PRKG1: variants seen among roughly 807,000 people sequenced by gnomAD.
PRKG1 encodes the protein cGMP-dependent protein kinase 1.
Under a neutral mutation model 88.1 loss-of-function variants are expected in PRKG1, and 35 were observed. The observed-to-expected ratio is 0.40, with a 90% CI of 0.30 to 0.53. The LOEUF is 0.53. Among genes scored for constraint, PRKG1 ranks in the 20% least tolerant of loss-of-function variants. The pLI, the probability that PRKG1 is intolerant of heterozygous loss-of-function variation, is 0.59. For synonymous variants in PRKG1, 303 were observed against 292.5 expected, an observed-to-expected ratio of 1.04 and a Z score of -0.37; for missense variants, 540 against 839.8, an observed-to-expected ratio of 0.64 and a Z score of 4.41.
intron 3 of PRKG1, among the ~76,000 whole-genome samples, chr10:51,580,876 C>T (rs1838014467): frequency 6.6e-6 from 1 of 151,968 alleles, no homozygotes; most frequent in Non-Finnish European, 1.5e-5. Context: ...GGGGTGGTCT[C>T]CTACTTCCTT....
At chr10:51,844,116 G>T (rs1336427342) in intron 4 of PRKG1, among the ~76,000 whole-genome samples, 1 of 151,920 alleles carries the variant, frequency 6.6e-6, no homozygotes, top group Non-Finnish European at 1.5e-5. Flanking sequence ...TTTTGTCAAT[G>T]CATCATTTGA....
chr10:51,765,051 A>T (rs925385850), intron 3 of PRKG1, among the ~76,000 whole-genome samples: 1 of 152,186 alleles, frequency 6.6e-6, no homozygotes, highest in Admixed American at 6.5e-5. Context: ...AACTTAGAGT[A>T]TTTGGTTATA....
intron 3 of PRKG1, among the ~76,000 whole-genome samples, chr10:51,666,659 A>G (rs150677815): frequency 1.6e-3 from 248 of 152,218 alleles, no homozygotes; most frequent in African/African-American, 5.7e-3. Flanking sequence ...TCATAAATCC[A>G]CCCACATGGT....
chr10:51,166,867 C>A (rs1285221139), intron 2 of PRKG1, among the ~76,000 whole-genome samples: 1 of 152,112 alleles, frequency 6.6e-6, no homozygotes, highest in East Asian at 1.9e-4. Context: ...ATTTGAAACT[C>A]TTTGTATATT....
chr10:51,676,951 C>T (rs1840726065), intron 3 of PRKG1, among the ~76,000 whole-genome samples: 1 of 152,110 alleles, frequency 6.6e-6, no homozygotes. Flanking sequence ...CATAAGTGTA[C>T]AGCTCAATTA....
intron 9 of PRKG1, among the ~76,000 whole-genome samples, chr10:52,233,952 C>A (rs966886602): frequency 6.6e-6 from 1 of 151,916 alleles, no homozygotes; most frequent in African/African-American, 2.4e-5. Context: ...TCTCCCAGCA[C>A]GCAGCTGGAG....
intron 9 of PRKG1, among the ~76,000 whole-genome samples, chr10:52,228,665 G>A (rs1023771795): frequency 6.6e-6 from 1 of 152,166 alleles, no homozygotes; most frequent in Non-Finnish European, 1.5e-5. Context: ...AGTTTTAGTG[G>A]AGCACATGGA....
intron 1 of PRKG1, among the ~76,000 whole-genome samples, chr10:51,146,607 T>C (rs894599312): frequency 2.0e-5 from 3 of 152,170 alleles, no homozygotes; most frequent in African/African-American, 4.8e-5. Context: ...TGTATTTTTG[T>C]TGTCTATGCT....
chr10:51,230,966 G>T (rs536885410), intron 2 of PRKG1, among the ~76,000 whole-genome samples: 7 of 152,132 alleles, frequency 4.6e-5, no homozygotes, highest in African/African-American at 9.7e-5. Context: ...CCAATTTGAA[G>T]CCTCATGAGT....
At chr10:51,891,783 T>A (rs1841728667) in intron 4 of PRKG1, among the ~76,000 whole-genome samples, 1 of 152,224 alleles carries the variant, frequency 6.6e-6, no homozygotes, top group Non-Finnish European at 1.5e-5. Flanking sequence ...CAAGCATGAC[T>A]ATATTTCAAT....
At chr10:51,013,942 T>TA (rs1564570551) in intron 1 of PRKG1, among the ~76,000 whole-genome samples, 1 of 152,094 alleles carries the variant, frequency 6.6e-6, no homozygotes. Flanking sequence ...TCTTCTGGGT[T>TA]AAAAAAATAT....
chr10:52,252,803 T>C (rs1233012314), intron 10 of PRKG1: 9 of 150,972 alleles, frequency 6.0e-5, no homozygotes, highest in Non-Finnish European at 1.5e-5. Flanking sequence ...TGAAAGTCCA[T>C]AGTGTGCCTT....
intron 5 of PRKG1, among the ~76,000 whole-genome samples, chr10:52,021,312 G>A (rs958939068): frequency 6.6e-6 from 1 of 152,188 alleles, no homozygotes; most frequent in South Asian, 2.1e-4. Flanking sequence ...TGGAGTTATG[G>A]ATGGATTTTA....
intron 3 of PRKG1, among the ~76,000 whole-genome samples, chr10:51,482,837 G>A (rs1444247556): frequency 6.6e-6 from 1 of 151,980 alleles, no homozygotes; most frequent in African/African-American, 2.4e-5. Context: ...CACGGGTAAG[G>A]CTTACATCAG....
intron 3 of PRKG1, among the ~76,000 whole-genome samples, chr10:51,728,424 AAAC>A (rs1379725139): frequency 6.0e-5 from 9 of 151,250 alleles, no homozygotes; most frequent in African/African-American, 1.9e-4. Flanking sequence ...TCTTTACAAC[AAAC>A]AATAGCAAAA....
intron 3 of PRKG1, among the ~76,000 whole-genome samples, chr10:51,495,528 C>T (rs948156456): frequency 3.3e-5 from 5 of 152,098 alleles, no homozygotes; most frequent in Non-Finnish European, 5.9e-5. Context: ...CAAGGAAAGA[C>T]GCTATCACCT....
chr10:51,275,503 C>G (rs934463461), intron 2 of PRKG1, among the ~76,000 whole-genome samples: 2 of 152,076 alleles, frequency 1.3e-5, no homozygotes, highest in African/African-American at 4.8e-5. Context: ...AAAGGGAGTG[C>G]GTTTAAGGCT....
At chr10:51,501,841 A>G (rs140191059) in intron 3 of PRKG1, among the ~76,000 whole-genome samples, 2 of 143,234 alleles carry the variant, frequency 1.4e-5, no homozygotes, top group Admixed American at 7.2e-5. Context: ...GCATCTATAC[A>G]AAGTTATATC....
intron 3 of PRKG1, among the ~76,000 whole-genome samples, chr10:51,780,199 T>C (rs1212148922): frequency 6.6e-6 from 1 of 152,146 alleles, no homozygotes; most frequent in Non-Finnish European, 1.5e-5. Context: ...GTTTGTACCC[T>C]GTCTTACCTT....
Sources: allele counts gnomAD v4.1 joint callset (sites outside exome capture counted in the v4.1 genomes callset), GRCh38; gene constraint gnomAD v4.1.1; transcripts MANE v1.5; gene names NCBI Gene and HGNC (gene_info 2026-07-23, HGNC 2026-07-21).